Variants in UBP1 observed in about 807,000 individuals in gnomAD.
UBP1 encodes the protein upstream binding protein 1.
A neutral mutation model predicts 76.1 loss-of-function variants in UBP1; 22 were observed. The ratio of observed to expected loss-of-function variants is 0.29; its 90% CI spans 0.21 to 0.41. UBP1 has a LOEUF of 0.41. Among genes scored for constraint, UBP1 ranks in the 10% least tolerant of loss-of-function variants. The pLI is 1.00. For missense variants in UBP1, 436 were observed against 668.1 expected, an observed-to-expected ratio of 0.65 and a Z score of 3.83; for synonymous variants, 224 against 237.1, an observed-to-expected ratio of 0.94 and a Z score of 0.51.
chr3:33,395,750 GAAAAAAAAAAAAAAA>G (rs61654235), intron 13 of UBP1, among the ~76,000 whole-genome samples: 1 of 69,778 alleles, frequency 1.4e-5, no homozygotes, highest in Non-Finnish European at 2.6e-5. Flanking sequence ...CAGGAAAATT[GAAAAAAAAAAAAAAA>G]AAAAAAAAGA....
intron 2 of UBP1, among the ~76,000 whole-genome samples, chr3:33,424,767 C>T (rs562972826): frequency 7.9e-5 from 12 of 152,312 alleles, no homozygotes; most frequent in East Asian, 1.9e-4. Context: ...TAAACTCGGC[C>T]GGGTGCAATG....
Position 33,393,393 on chromosome 3 carries a change from C to T in UBP1, c.1452G>A (p.Leu484=). ...TTTGGTGGAGAGGGATATTAAACAC[C>T]AGCGCAAGTTTTCGAGCAACTTCTG... ...IASEVARKLA[L]VFNIPLHQIN... The change falls in exon 14 of 16, where the codon CTG becomes CTA. Residue 484 remains leucine (L), a synonymous_variant. Transcript: ENST00000283629. The T allele has an allele frequency of 6.2e-7, 1 of 1,613,176 alleles. No individual in the cohort carries two copies.
At chr3:33,401,911 C>A (rs2044243309) in intron 9 of UBP1, among the ~76,000 whole-genome samples, 1 of 152,180 alleles carries the variant, frequency 6.6e-6, no homozygotes, top group Admixed American at 6.5e-5. Flanking sequence ...CCTCTGGTCA[C>A]TCCTCTAATT....
chr3:33,425,862 A>T, intron 1 of UBP1, 121 bp from the exon 2 acceptor site: 1 of 849,572 alleles, frequency 1.2e-6, no homozygotes, highest in Non-Finnish European at 1.6e-6. Context: ...ACATTTAGGG[A>T]TAGTTTTTTT....
intron 14 of UBP1, 24 bp downstream of exon 14, chr3:33,393,288 G>T: frequency 6.3e-7 from 1 of 1,578,090 alleles, no homozygotes; most frequent in Non-Finnish European, 8.6e-7. Context: ...AGTCTGAAAA[G>T]GAAAAACAAA....
At chr3:33,397,747 C>T (rs1229031825) in intron 11 of UBP1, 1 of 152,236 alleles carries the variant, frequency 6.6e-6, no homozygotes, top group East Asian at 1.9e-4. Context: ...TTCCCCCAAG[C>T]ACATCCTACT....
In UBP1 at chr3:33,396,189, T is replaced by G; in HGVS notation, c.1363A>C (p.Ser455Arg). 6.3e-7 allele frequency: 1 copy of G among 1,593,714 alleles called. No homozygotes were observed. Among genetic ancestry groups the G allele is most frequent in the African/African-American group, 1.3e-5 (1 of 74,736 alleles). ...QGQQQAASSASENGSGAPYVY... is the reference protein window; with the variant it reads ...QGQQQAASSARENGSGAPYVY... ...TAGGGTGCCCCACTGCCATTCTCGC[T>G]TGCACTGCTTGCAGCTTGCTGCTGC... Residue 455 changes from serine (S) to arginine (R), a missense_variant, in exon 13 of 16, where the codon AGC (serine) becomes CGC (arginine). Transcript: ENST00000283629.
intron 8 of UBP1, among the ~76,000 whole-genome samples, chr3:33,405,887 G>A (rs748235855): frequency 8.5e-5 from 13 of 152,126 alleles, no homozygotes; most frequent in Non-Finnish European, 1.8e-4. Flanking sequence ...GGCTTAAAAC[G>A]CTTGTCTGAC....
intron 1 of UBP1, among the ~76,000 whole-genome samples, chr3:33,436,503 C>T (rs1049942308): frequency 1.3e-5 from 2 of 152,114 alleles, no homozygotes; most frequent in African/African-American, 4.8e-5. Context: ...CGAAGTTTAA[C>T]AAACAGGGCT....
intron 2 of UBP1, among the ~76,000 whole-genome samples, chr3:33,421,987 T>C (rs1054370330): frequency 2.0e-5 from 3 of 152,084 alleles, no homozygotes; most frequent in African/African-American, 7.2e-5. Flanking sequence ...GAGGTTGCAG[T>C]GAGCAAGACT....
chr3:33,408,601 T>C (rs530100393), intron 8 of UBP1, 89 bp downstream of exon 8: 1 of 1,010,506 alleles, frequency 9.9e-7, no homozygotes, highest in South Asian at 1.8e-5. Context: ...AAAAACAATT[T>C]TGGCTTTACT....
intron 12 of UBP1, 57 bp downstream of exon 12, chr3:33,396,988 C>T: frequency 2.7e-6 from 4 of 1,505,340 alleles, no homozygotes; most frequent in Non-Finnish European, 3.7e-6. Context: ...TGCCCAAATT[C>T]CCCACGCGAA....
intron 15 of UBP1, 177 bp from the exon 16 acceptor site, chr3:33,390,545 T>G (rs1559661437): frequency 1.5e-6 from 1 of 659,664 alleles, no homozygotes; most frequent in Non-Finnish European, 2.7e-6. Flanking sequence ...AAAAACTTCA[T>G]GTACACATTC....
At chr3:33,435,073 C>G (rs544106981) in intron 1 of UBP1, among the ~76,000 whole-genome samples, 1 of 152,170 alleles carries the variant, frequency 6.6e-6, no homozygotes, top group Non-Finnish European at 1.5e-5. Context: ...CTACCTAGCC[C>G]TTTACAGAAA....
intron 4 of UBP1, among the ~76,000 whole-genome samples, chr3:33,411,960 G>A (rs148288273): frequency 0.013 from 1,970 of 152,216 alleles, 42 homozygotes; most frequent in African/African-American, 0.045. Flanking sequence ...GCCAAGGCAG[G>A]TGGATAACCC....
chr3:33,414,274 A>G (rs942783742), intron 3 of UBP1: 1 of 152,118 alleles, frequency 6.6e-6, no homozygotes, highest in Non-Finnish European at 1.5e-5. Context: ...GGGAAAGAAA[A>G]AGAAAGAGAG....
At chr3:33,429,385 G>C (rs1372858771) in intron 1 of UBP1, among the ~76,000 whole-genome samples, 1 of 151,544 alleles carries the variant, frequency 6.6e-6, no homozygotes, top group African/African-American at 2.4e-5. Flanking sequence ...GTCTGGCTCT[G>C]TCTCCCAGGC....
Position 33,409,921 on chromosome 3 carries a change from T to G in UBP1, c.556-320A>C, listed in dbSNP as rs1324169251. Among the ~76,000 whole-genome samples the G allele has an allele frequency of 3.9e-5, 6 of 152,360 alleles. No homozygotes were observed. In the East Asian group the frequency reaches 1.2e-3, roughly 29 times the overall value. On this transcript the variant is annotated intron_variant, in intron 5 of 15. Transcript: ENST00000283629. ...TATACTGCCCACCTCCACCTTGGAC[T>G]GTCTGCTCATCTCAGACCCAGGGTA... is the stretch of plus-strand genomic sequence containing the variant.
chr3:33,396,954 C>T, intron 12 of UBP1, 91 bp downstream of exon 12: 1 of 1,215,776 alleles, frequency 8.2e-7, no homozygotes, highest in Non-Finnish European at 1.2e-6. Context: ...GGCACACACG[C>T]CAACCTAGCG....
Sources: allele counts gnomAD v4.1 joint callset (sites outside exome capture counted in the v4.1 genomes callset), GRCh38; gene constraint gnomAD v4.1.1; transcripts MANE v1.5; gene names NCBI Gene and HGNC (gene_info 2026-07-23, HGNC 2026-07-21).